DHX32: variants seen among roughly 807,000 people sequenced by gnomAD.
DHX32 encodes the protein DEAH-box helicase 32 (putative).
Under a neutral mutation model 70.0 loss-of-function variants are expected in DHX32, and 51 were observed. The observed-to-expected ratio is 0.73, with a 90% CI of 0.58 to 0.92. DHX32 has a LOEUF of 0.92. DHX32 is among the 40% of genes least tolerant of loss of function. DHX32 has a pLI of 0.00. For synonymous variants in DHX32, 310 were observed against 315.3 expected (o/e 0.98, Z 0.18); for missense variants, 762 against 891.8 (o/e 0.85, Z 1.85).
rs1589714694 is a variant in DHX32, at chr10:125,867,479, G to A, written c.283-296C>T. Among the ~76,000 whole-genome samples the A allele has an allele frequency of 3.3e-5, 5 of 152,192 alleles. 1 individual carries two copies. In the South Asian group the frequency reaches 8.3e-4, roughly 25 times the overall value. On this transcript the variant is annotated intron_variant, in intron 1 of 10. Coordinates refer to ENST00000284690, the MANE Select transcript of DHX32 (RefSeq NM_018180.3). The stretch of plus-strand genomic sequence containing the variant: ...AGGCCGGGTGTGGTGGCTCACGCCT[G>A]TAATCCCAGCACTTTGGGAGGCCGA...
chr10:125,842,747 G>C lies in DHX32; in HGVS notation c.1352-813C>G, dbSNP rs187460244. On this transcript the variant is annotated intron_variant, in intron 6 of 10. Transcript: ENST00000284690. ...CAACTGACCTGGATCTCAGATGCTA[G>C]AAATAGTAGACAAAGATGTTATTTC... is the stretch of plus-strand genomic sequence containing the variant. 267 of 860,276 alleles carry C rather than the reference G, an allele frequency of 3.1e-4. 1 individual carries two copies. The African/African-American group carries it at 4.7e-3, about 15-fold the overall frequency. 53.3% of individuals were successfully genotyped at this position (860,276 alleles called of 1,614,324 possible).
intron 2 of DHX32, among the ~76,000 whole-genome samples, chr10:125,863,948 G>C (rs1434578263): frequency 6.6e-6 from 1 of 152,128 alleles, no homozygotes; most frequent in Non-Finnish European, 1.5e-5. Context: ...ACAACCCTCA[G>C]AGCAAGTATA....
intron 9 of DHX32, among the ~76,000 whole-genome samples, chr10:125,838,589 AACTT>A (rs1389412269): frequency 3.3e-5 from 5 of 152,220 alleles, no homozygotes; most frequent in African/African-American, 1.2e-4. Context: ...GATGTTAACT[AACTT>A]CAGCAACAGC....
chr10:125,895,770 C>A (rs1295986678), intron 1 of DHX32, among the ~76,000 whole-genome samples: 2 of 152,284 alleles, frequency 1.3e-5, no homozygotes, highest in African/African-American at 4.8e-5. Context: ...AAAGATCCAA[C>A]CCGGGCCCCC....
chr10:125,853,040 C>A, intron 4 of DHX32: 2 of 993,404 alleles, frequency 2.0e-6, no homozygotes, highest in Non-Finnish European at 3.0e-6. Flanking sequence ...TTGGTGGTCT[C>A]ACCTTTACAA....
chr10:125,887,302 G>T (rs1225211764), intron 1 of DHX32, among the ~76,000 whole-genome samples: 2 of 152,220 alleles, frequency 1.3e-5, no homozygotes, highest in Admixed American at 1.3e-4. Flanking sequence ...CTGGTTAGGT[G>T]AGGCTGAGGG....
chr10:125,838,030 A>G (rs1383848949), intron 10 of DHX32, among the ~76,000 whole-genome samples, 176 bp downstream of exon 10: 7 of 152,200 alleles, frequency 4.6e-5, no homozygotes, highest in Admixed American at 4.6e-4. Context: ...TCTAACAGGC[A>G]GGGACATTTC....
chr10:125,867,229 A>C, intron 1 of DHX32, 46 bp from the exon 2 acceptor site: 2 of 1,485,674 alleles, frequency 1.3e-6, no homozygotes, highest in Non-Finnish European at 1.8e-6. Flanking sequence ...GCTGAAAACA[A>C]AACAAGAGAC....
At chr10:125,860,058 A>G (rs2134053941) in intron 2 of DHX32, 83 bp from the exon 3 acceptor site, 1 of 1,266,182 alleles carries the variant, frequency 7.9e-7, no homozygotes, top group Non-Finnish European at 1.1e-6. Flanking sequence ...TGCCTTTCCT[A>G]TATTCATTTC....
At chr10:125,896,186 G>C in intron 1 of DHX32, 1 of 104,460 alleles carries the variant, frequency 9.6e-6, no homozygotes, top group African/African-American at 4.1e-5. Flanking sequence ...GCCGACCCCC[G>C]ACCCCTTCCG....
chr10:125,846,893 G>T (rs919432666), intron 6 of DHX32, among the ~76,000 whole-genome samples: 6 of 152,166 alleles, frequency 3.9e-5, no homozygotes, highest in African/African-American at 1.4e-4. Context: ...CTAAGACTCT[G>T]CCCAGTTCCT....
chr10:125,891,806 T>C (rs545816884), intron 1 of DHX32, among the ~76,000 whole-genome samples: 697 of 152,382 alleles, frequency 4.6e-3, no homozygotes, highest in African/African-American at 0.016. Flanking sequence ...TCAGCTCCCT[T>C]TTCTGACCAC....
At position 125,837,378 on chromosome 10, in the gene DHX32, C is replaced by T. The variant is rs1020608013; in HGVS notation, c.2064-523G>A. 3.3e-5 allele frequency among the ~76,000 whole-genome samples: 5 copies of T among 152,338 alleles called. No homozygotes were observed. The South Asian group carries it at 8.3e-4, about 25-fold the overall frequency. ...GCCTCTCAAAGACTAGTGGAGTAGT[C>T]TCACTCTTGCCATTGCCCCTCCTTT... is the stretch of plus-strand genomic sequence containing the variant. On this transcript the variant is annotated intron_variant, in intron 10 of 10. Transcript: ENST00000284690.
chr10:125,880,753 G>A lies in DHX32; in HGVS notation c.72C>T (p.Ser24=). The change falls in exon 1 of 11, where the codon TCC becomes TCT. Residue 24 remains serine (S), a synonymous_variant. Coordinates refer to ENST00000284690, the MANE Select transcript of DHX32 (RefSeq NM_018180.3). ...EKRYFPESLD[S]SDGDEEEVLA... is the part of the protein sequence containing the mutation. ...AAACCTCTTCCTCATCCCCATCGCT[G>A]GAATCCAGGGATTCAGGAAAATAGC... The A allele has an allele frequency of 6.2e-7, 1 of 1,614,122 alleles. No individual in the cohort carries two copies. Among genetic ancestry groups the A allele is most frequent in the Non-Finnish European group, 8.5e-7 (1 of 1,180,018 alleles).
intron 2 of DHX32, among the ~76,000 whole-genome samples, chr10:125,864,983 A>T (rs1944211921): frequency 6.7e-6 from 1 of 148,214 alleles, no homozygotes; most frequent in Non-Finnish European, 1.5e-5. Flanking sequence ...AAAAAGAAAT[A>T]TCTGATTCCA....
chr10:125,891,351 CTCTT>C (rs1297761249), intron 1 of DHX32, among the ~76,000 whole-genome samples: 6 of 137,800 alleles, frequency 4.4e-5, no homozygotes, highest in African/African-American at 1.0e-4. Flanking sequence ...ATCTCTCTCT[CTCTT>C]TTTTTTTTTA....
At chr10:125,844,610 AT>A (rs1480507270) in intron 6 of DHX32, among the ~76,000 whole-genome samples, 2 of 152,248 alleles carry the variant, frequency 1.3e-5, no homozygotes, top group Non-Finnish European at 2.9e-5. Flanking sequence ...CTAATATTAT[AT>A]TCTGCATTTT....
chr10:125,841,462 C>A, intron 7 of DHX32: 1 of 1,512,830 alleles, frequency 6.6e-7, no homozygotes. Flanking sequence ...TTTTCTTCAT[C>A]TGCACTGATT....
intron 1 of DHX32, among the ~76,000 whole-genome samples, chr10:125,887,070 C>A (rs2134078960): frequency 6.6e-6 from 1 of 152,288 alleles, no homozygotes; most frequent in Admixed American, 6.5e-5. Context: ...GTGAATGAGT[C>A]ATTTTCTATC....
Sources: allele counts gnomAD v4.1 joint callset (sites outside exome capture counted in the v4.1 genomes callset), GRCh38; gene constraint gnomAD v4.1.1; transcripts MANE v1.5; gene names NCBI Gene and HGNC (gene_info 2026-07-23, HGNC 2026-07-21).